STXBP4: variants seen among roughly 807,000 people sequenced by gnomAD.
STXBP4 encodes syntaxin-binding protein 4.
STXBP4 carries 55 observed loss-of-function variants against 76.1 expected under a neutral mutation model. The observed-to-expected ratio is 0.72, with a 90% CI of 0.58 to 0.91. The LOEUF (loss-of-function observed/expected upper bound fraction) is 0.91, where lower values mean the gene tolerates loss of function less well. Ranked by LOEUF, STXBP4 falls within the 40% of genes least tolerant of loss-of-function variation. The probability of loss-of-function intolerance (pLI) is 0.00; values close to 1 mark genes in which losing one functional copy is unlikely to be tolerated. For synonymous variants in STXBP4, 201 were observed against 220.2 expected, an observed-to-expected ratio of 0.91 and a Z score of 0.77; for missense variants, 618 against 636.9, an observed-to-expected ratio of 0.97 and a Z score of 0.32.
At chr17:55,137,650 C>A (rs1235588297) in intron 16 of STXBP4, among the ~76,000 whole-genome samples, 1 of 152,042 alleles carries the variant, frequency 6.6e-6, no homozygotes, top group African/African-American at 2.4e-5. Flanking sequence ...TTCTCTATTG[C>A]TAAAATAGGG....
At chr17:55,108,482 G>T (rs2079664800) in intron 16 of STXBP4, among the ~76,000 whole-genome samples, 1 of 152,180 alleles carries the variant, frequency 6.6e-6, no homozygotes, top group Admixed American at 6.5e-5. Flanking sequence ...AACTAGCTCA[G>T]TGTCTGCCCA....
chr17:55,151,284 G>T (rs776396044), intron 17 of STXBP4, among the ~76,000 whole-genome samples: 1 of 152,102 alleles, frequency 6.6e-6, no homozygotes, highest in African/African-American at 2.4e-5. Context: ...CCTTGGATGG[G>T]GCTTTGATAC....
intron 17 of STXBP4, among the ~76,000 whole-genome samples, chr17:55,153,363 G>T (rs1200198239): frequency 1.3e-5 from 2 of 152,106 alleles, no homozygotes; most frequent in African/African-American, 4.8e-5. Context: ...ATTTATACAT[G>T]ACGGAATCAA....
intron 17 of STXBP4, among the ~76,000 whole-genome samples, chr17:55,157,991 T>C (rs2628313): frequency 0.65 from 99,561 of 152,106 alleles, 33,785 homozygotes; most frequent in African/African-American, 0.84. Flanking sequence ...CTGGGAAATC[T>C]TATAGTAAAG....
chr17:55,016,194 G>A (rs2262500), intron 8 of STXBP4, among the ~76,000 whole-genome samples: 35,596 of 151,928 alleles, frequency 0.23, 4,652 homozygotes, highest in South Asian at 0.31. Flanking sequence ...TCCAGGGTGC[G>A]TCACCACCCA....
intron 9 of STXBP4, among the ~76,000 whole-genome samples, chr17:55,032,939 C>T (rs536667258): frequency 1.3e-5 from 2 of 152,060 alleles, no homozygotes; most frequent in Admixed American, 6.6e-5. Flanking sequence ...TTTTAGTGCC[C>T]GATTCTTAAA....
At chr17:55,076,711 C>A (rs2079186650) in intron 13 of STXBP4, among the ~76,000 whole-genome samples, 2 of 152,168 alleles carry the variant, frequency 1.3e-5, no homozygotes, top group Admixed American at 6.6e-5. Flanking sequence ...CTGGAAATCA[C>A]TAAGCTATTA....
the STXBP4 span, among the ~76,000 whole-genome samples, chr17:55,193,718 A>T: frequency 1.9e-4 from 28 of 148,896 alleles, no homozygotes; most frequent in African/African-American, 6.9e-4. Flanking sequence ...CACTTCAAAA[A>T]TTTGGAGAAT....
In STXBP4 at chr17:54,999,438, G is replaced by A. The variant is rs1156287; in HGVS notation, c.274G>A (p.Gly92Arg). ...SFEEAKSIIT[G>R]AKLRLESAWE... ...TGAAGAAGCAAAAAGCATAATTACCGGAGCCAAGTTGAGGTAACTATACTA... is the reference window on the plus strand; with the variant it reads ...TGAAGAAGCAAAAAGCATAATTACCAGAGCCAAGTTGAGGTAACTATACTA... Residue 92 changes from glycine (G) to arginine (R), a missense_variant, in exon 5 of 18, where the codon GGA becomes AGA. Transcript: ENST00000376352. 1,188,592 of 1,610,254 alleles carry A rather than the reference G, an allele frequency of 0.74. 442,597 individuals carry two copies. The highest frequency in any genetic ancestry group is 0.93 in the East Asian group (41,452 of 44,762).
intron 16 of STXBP4, among the ~76,000 whole-genome samples, chr17:55,098,673 T>C (rs1172329392): frequency 1.3e-5 from 2 of 152,236 alleles, no homozygotes. Flanking sequence ...CAGTTCATTC[T>C]GTCGTTAAGC....
intron 10 of STXBP4, among the ~76,000 whole-genome samples, chr17:55,039,313 A>T (rs2078655792): frequency 6.6e-6 from 1 of 151,182 alleles, no homozygotes; most frequent in South Asian, 2.1e-4. Context: ...AAACAAAAAA[A>T]TTAGAACGTA....
chr17:55,185,236 TCTTCTTCTTCTTCTCCTTCTCCTTCTC>T, the STXBP4 span, among the ~76,000 whole-genome samples: 1 of 50,016 alleles, frequency 2.0e-5, no homozygotes, highest in Admixed American at 1.7e-4. Context: ...TTCTTCTTCT[TCTTCTTCTTCTTCTCCTTCTCCTTCTC>T]CTTCTCCTTC....
chr17:55,054,477 T>C (rs2078900278), intron 12 of STXBP4, among the ~76,000 whole-genome samples: 1 of 152,030 alleles, frequency 6.6e-6, no homozygotes, highest in African/African-American at 2.4e-5. Flanking sequence ...TAGAGTGATA[T>C]TTCATCTCAA....
chr17:55,022,008 T>G (rs1192730797), intron 8 of STXBP4, among the ~76,000 whole-genome samples: 1 of 152,084 alleles, frequency 6.6e-6, no homozygotes, highest in Non-Finnish European at 1.5e-5. Context: ...AGTGAAAAAT[T>G]CATGGCAATC....
chr17:55,005,957 G>A (rs994647331), intron 7 of STXBP4, among the ~76,000 whole-genome samples: 2 of 152,042 alleles, frequency 1.3e-5, no homozygotes, highest in Non-Finnish European at 2.9e-5. Flanking sequence ...AATTATATGT[G>A]TATGTGTGTA....
intron 1 of STXBP4, among the ~76,000 whole-genome samples, chr17:54,969,699 TG>T (rs1283699382): frequency 2.6e-5 from 4 of 152,214 alleles, no homozygotes; most frequent in African/African-American, 9.7e-5. Context: ...CCCCACTATG[TG>T]GATGAGGAAC....
At chr17:54,979,501 T>C (rs531429607) in intron 1 of STXBP4, among the ~76,000 whole-genome samples, 1 of 152,300 alleles carries the variant, frequency 6.6e-6, no homozygotes, top group African/African-American at 2.4e-5. Flanking sequence ...AAGCCTCCTT[T>C]AGCCCCTTTC....
At chr17:55,061,362 G>A (rs937903603) in intron 12 of STXBP4, among the ~76,000 whole-genome samples, 4 of 152,090 alleles carry the variant, frequency 2.6e-5, no homozygotes, top group Non-Finnish European at 2.9e-5. Flanking sequence ...CAGAATTGAT[G>A]TGATTTCTCT....
At chr17:55,156,391 G>T (rs2080277300) in intron 17 of STXBP4, among the ~76,000 whole-genome samples, 1 of 152,106 alleles carries the variant, frequency 6.6e-6, no homozygotes, top group South Asian at 2.1e-4. Context: ...AAGCTCTTTA[G>T]CCACAGTGCT....
Sources: gnomAD v4.1 joint callset for allele counts (sites outside exome capture counted in the v4.1 genomes callset) on GRCh38, gnomAD v4.1.1 for gene constraint, MANE v1.5 for transcripts, NCBI Gene and HGNC (gene_info 2026-07-23, HGNC 2026-07-21) for gene names.